The following DNAH6 variants were observed in gnomAD, a reference collection of about 807,000 sequenced individuals.
DNAH6 encodes axonemal beta dynein heavy chain 6.
In DNAH6, 340 loss-of-function variants were observed where a neutral mutation model predicts 491.4. The observed-to-expected ratio is 0.69, with a 90% CI of 0.63 to 0.76. The LOEUF (loss-of-function observed/expected upper bound fraction) is 0.76, where lower values mean the gene tolerates loss of function less well. Ranked by LOEUF, DNAH6 falls within the 30% of genes least tolerant of loss-of-function variation. The probability of loss-of-function intolerance (pLI) is 0.00; values close to 1 mark genes in which losing one functional copy is unlikely to be tolerated. For synonymous variants in DNAH6, 1,603 were observed against 1,686.1 expected (o/e 0.95, Z 1.21); for missense variants, 4,443 against 4,972.2 (o/e 0.89, Z 3.20).
At chr2:84,812,625 G>A (rs745625097) in intron 73 of DNAH6, 99 bp downstream of exon 73, 143 of 960,568 alleles carry the variant, frequency 1.5e-4, no homozygotes, top group Non-Finnish European at 2.1e-4. Flanking sequence ...AGTCACTGAT[G>A]GATAATCTGA....
chr2:84,817,186 C>CA (rs761715083), intron 76 of DNAH6, among the ~76,000 whole-genome samples: 1,890 of 139,852 alleles, frequency 0.014, 35 homozygotes, highest in African/African-American at 0.041. Context: ...TGTCAGAGAC[C>CA]AAAAAAAAAA....
At chr2:84,611,905 C>T in intron 22 of DNAH6, 51 bp downstream of exon 22, 1 of 1,472,156 alleles carries the variant, frequency 6.8e-7, no homozygotes, top group Non-Finnish European at 9.1e-7. Flanking sequence ...TTTTAGTAGT[C>T]TGGGACTTTA....
At chr2:84,818,698 G>A (rs572331419) in intron 76 of DNAH6, among the ~76,000 whole-genome samples, 1 of 152,260 alleles carries the variant, frequency 6.6e-6, no homozygotes, top group East Asian at 1.9e-4. Context: ...GGCAAAAGAA[G>A]CAGAGGGAAA....
At chr2:84,540,334 A>T (rs1432015966) in intron 4 of DNAH6, among the ~76,000 whole-genome samples, 1 of 152,172 alleles carries the variant, frequency 6.6e-6, no homozygotes, top group African/African-American at 2.4e-5. Flanking sequence ...AATAACTTGG[A>T]TTTAATGACA....
intron 63 of DNAH6, among the ~76,000 whole-genome samples, chr2:84,758,074 CAT>C (rs1308490340): frequency 5.9e-5 from 9 of 152,178 alleles, no homozygotes; most frequent in Non-Finnish European, 7.3e-5. Flanking sequence ...AGAAATTGCA[CAT>C]GTTACATATG....
At chr2:84,605,074 G>T (rs1407173441) in intron 19 of DNAH6, among the ~76,000 whole-genome samples, 2 of 152,130 alleles carry the variant, frequency 1.3e-5, no homozygotes, top group Non-Finnish European at 2.9e-5. Flanking sequence ...CAGGCCAGGC[G>T]TGGTGGCTCA....
chr2:84,634,438 A>G (rs1428057353), intron 29 of DNAH6, 66 bp from the exon 30 acceptor site: 23 of 1,356,418 alleles, frequency 1.7e-5, no homozygotes, highest in Non-Finnish European at 2.1e-5. Context: ...ATTTCAGCTC[A>G]GAATTTAATT....
chr2:84,532,416 T>C (rs1404909845), intron 4 of DNAH6, among the ~76,000 whole-genome samples: 41 of 152,122 alleles, frequency 2.7e-4, no homozygotes, highest in Admixed American at 2.7e-3. Context: ...GTAAAGACAA[T>C]TATTTGGATG....
the DNAH6 span, among the ~76,000 whole-genome samples, chr2:84,505,396 T>C: frequency 1.3e-5 from 2 of 152,198 alleles, no homozygotes; most frequent in South Asian, 4.1e-4. Flanking sequence ...CAAATTGAAG[T>C]GGCAAGATCA....
chr2:84,741,797 G>A (rs1447207357), intron 62 of DNAH6, among the ~76,000 whole-genome samples: 5 of 152,244 alleles, frequency 3.3e-5, no homozygotes, highest in Non-Finnish European at 7.3e-5. Flanking sequence ...GTGGGATTGT[G>A]TGTGGGTTCC....
the DNAH6 span, among the ~76,000 whole-genome samples, chr2:84,479,947 A>C: frequency 3.3e-5 from 5 of 152,184 alleles, no homozygotes; most frequent in African/African-American, 1.2e-4. Flanking sequence ...TTGGAGCTTT[A>C]TATAGCTGTG....
At chr2:84,691,164 C>T (rs2104778212) in intron 45 of DNAH6, among the ~76,000 whole-genome samples, 2 of 152,274 alleles carry the variant, frequency 1.3e-5, no homozygotes, top group East Asian at 3.9e-4. Context: ...AGTTTTCAAT[C>T]CATTTATAAG....
At chr2:84,470,238 C>T in the DNAH6 span, among the ~76,000 whole-genome samples, 1 of 152,144 alleles carries the variant, frequency 6.6e-6, no homozygotes, top group African/African-American at 2.4e-5. Context: ...TATGGGCTGC[C>T]AGAAATATGT....
At chr2:84,501,563 C>T in the DNAH6 span, among the ~76,000 whole-genome samples, 1 of 135,728 alleles carries the variant, frequency 7.4e-6, no homozygotes, top group East Asian at 2.2e-4. Flanking sequence ...GGAAGTATTC[C>T]GTCCTTTCCT....
At chr2:84,514,445 A>C (rs1675454813), upstream of DNAH6, among the ~76,000 whole-genome samples, 1 of 152,198 alleles carries the variant, frequency 6.6e-6, no homozygotes, top group Admixed American at 6.5e-5. Flanking sequence ...AGCACCCATC[A>C]CAAATGGCCT....
At position 84,703,482 on chromosome 2, in the gene DNAH6, G is replaced by A. The variant is rs1217381038; in HGVS notation, c.8149G>A (p.Glu2717Lys). 3.2e-6 allele frequency: 5 copies of A among 1,551,360 alleles called. No individual in the cohort carries two copies. The highest frequency in any genetic ancestry group is 3.5e-6 in the Non-Finnish European group (4 of 1,146,822). The change falls in exon 50 of 77, where the codon GAG becomes AAG. Residue 2717 changes from glutamate (E) to lysine (K), a missense_variant. Physicochemically the swap from Glu to Lys is moderately conservative, Grantham distance 56. Transcript: ENST00000389394. ...AATGAAACTAGATCTTTCAGCTTTA[G>A]AGCCTGTACTTTTAGCAAAATCAGA... ...DKMKLDLSALEPVLLAKSEDV... is the reference protein window; with the variant it reads ...DKMKLDLSALKPVLLAKSEDV...
At chr2:84,607,328 A>G (rs913740350) in intron 21 of DNAH6, among the ~76,000 whole-genome samples, 2 of 152,232 alleles carry the variant, frequency 1.3e-5, no homozygotes, top group African/African-American at 4.8e-5. Context: ...TACTTCAATG[A>G]TATTGTAGAT....
At chr2:84,650,446 G>T (rs1690342493) in intron 33 of DNAH6, among the ~76,000 whole-genome samples, 1 of 149,580 alleles carries the variant, frequency 6.7e-6, no homozygotes, top group African/African-American at 2.5e-5. Flanking sequence ...CCCATCTATT[G>T]ATTTTTTTGT....
At chr2:84,712,729 C>T (rs1008835617) in intron 56 of DNAH6, among the ~76,000 whole-genome samples, 7 of 152,222 alleles carry the variant, frequency 4.6e-5, no homozygotes, top group African/African-American at 1.4e-4. Flanking sequence ...ATTTGCCAAT[C>T]CCTGGTTTTA....
Sources: allele counts gnomAD v4.1 joint callset (sites outside exome capture counted in the v4.1 genomes callset), GRCh38; gene constraint gnomAD v4.1.1; transcripts MANE v1.5; gene names NCBI Gene and HGNC (gene_info 2026-07-23, HGNC 2026-07-21).